The following DNAH1 variants were observed in gnomAD, a reference collection of about 807,000 sequenced individuals.
DNAH1 encodes the protein axonemal beta dynein heavy chain 1.
Under a neutral mutation model 484.3 loss-of-function variants are expected in DNAH1, and 327 were observed. The ratio of observed to expected loss-of-function variants is 0.68; its 90% CI spans 0.62 to 0.74. The LOEUF (loss-of-function observed/expected upper bound fraction) is 0.74, where lower values mean the gene tolerates loss of function less well. Ranked by LOEUF, DNAH1 falls within the 30% of genes least tolerant of loss-of-function variation. The pLI, the probability that DNAH1 is intolerant of heterozygous loss-of-function variation, is 0.00. For synonymous variants in DNAH1, 2,192 were observed against 2,191.9 expected (o/e 1.00, Z 0.00); for missense variants, 5,052 against 5,546.8 (o/e 0.91, Z 2.83).
intron 21 of DNAH1, among the ~76,000 whole-genome samples, chr3:52,356,286 G>T (rs1422482973): frequency 6.6e-6 from 1 of 152,178 alleles, no homozygotes; most frequent in Non-Finnish European, 1.5e-5. Flanking sequence ...TGTCTCCCAG[G>T]CACCGAGTGT....
rs1351515692 is a variant in DNAH1, at chr3:52,396,506, C to T, written c.11398C>T (p.Leu3800Phe). ...CAACCTGCTGAAGTCCTATAGTAGC[C>T]TTGGTGAAGACTTCCTCAACTCCTG... ...RANLLKSYSS[L>F]GEDFLNSCHK... The change falls in exon 71 of 78, where the codon CTT (leucine) becomes TTT (phenylalanine). Residue 3800 changes from leucine to phenylalanine, a missense_variant. Around this residue, in one of 4 missense-constraint regions of DNAH1, gnomAD observed 853 missense variants for 899.0 expected, o/e 0.95. Coordinates refer to ENST00000420323, the MANE Select transcript of DNAH1 (RefSeq NM_015512.5). The T allele has an allele frequency of 1.2e-6, 2 of 1,610,916 alleles. No individual in the cohort carries two copies. The highest frequency in any genetic ancestry group is 1.1e-5 in the South Asian group (1 of 90,650).
intron 8 of DNAH1, among the ~76,000 whole-genome samples, chr3:52,335,180 C>T (rs1353675611): frequency 7.4e-6 from 1 of 135,346 alleles, no homozygotes; most frequent in Non-Finnish European, 1.5e-5. Context: ...GCTTCTCTCC[C>T]GAGTAGCTGG....
intron 44 of DNAH1, among the ~76,000 whole-genome samples, chr3:52,373,409 CAAG>C (rs1018676712): frequency 1.3e-5 from 2 of 152,196 alleles, no homozygotes; most frequent in African/African-American, 4.8e-5. Context: ...CCGAATAAAA[CAAG>C]AAGGAGAAAG....
chr3:52,342,757 C>T (rs71297391), intron 8 of DNAH1, among the ~76,000 whole-genome samples: 5,300 of 152,150 alleles, frequency 0.035, 135 homozygotes, highest in Non-Finnish European at 0.047. Flanking sequence ...AGGGGGCAAG[C>T]GAGGAACAGG....
At chr3:52,322,823 C>A (rs1234460533) in intron 2 of DNAH1, 48 bp downstream of exon 2, 3 of 1,474,638 alleles carry the variant, frequency 2.0e-6, no homozygotes, top group Non-Finnish European at 2.8e-6. Context: ...TTCCTCTGGG[C>A]TCCGTTCACC....
intron 12 of DNAH1, 42 bp downstream of exon 12, chr3:52,348,016 C>G (rs1244944773): frequency 6.4e-7 from 1 of 1,566,196 alleles, no homozygotes; most frequent in Non-Finnish European, 8.7e-7. Flanking sequence ...ACCTGCTGCC[C>G]TGGCTGCTGA....
At chr3:52,374,943 G>GATTTT in intron 44 of DNAH1, 1 of 501,032 alleles carries the variant, frequency 2.0e-6, no homozygotes, top group Non-Finnish European at 3.4e-6. Flanking sequence ...GTTTTTATAA[G>GATTTT]ATAGGACTAT....
rs1328222409 is a variant in DNAH1 at position 52,383,655 on chromosome 3, G to GC, written c.8150+65dup. The GC allele has an allele frequency of 2.0e-6, 3 of 1,476,144 alleles. No individual in the cohort carries two copies. The African/African-American group carries it at 4.2e-5, about 21-fold the overall frequency. The allele number at this position is 1,476,144 out of a possible 1,614,324, so 91.4% of individuals were successfully genotyped here. Reference sequence around the variant, plus strand: ...CGGAGCTGGGTGTGTACATGGGCTGGCCCCGGGGACACTGGATGCCATGCG... The same window carrying GC: ...CGGAGCTGGGTGTGTACATGGGCTGGCCCCCGGGGACACTGGATGCCATGCG... On this transcript the variant is annotated intron_variant, in intron 51 of 77. Transcript: ENST00000420323.
Position 52,349,441 on chromosome 3 carries a change from C to A in DNAH1, c.2526+21C>A, listed in dbSNP as rs576475976. The A allele has an allele frequency of 9.4e-6, 15 of 1,604,192 alleles. No homozygotes were observed. In the East Asian group the frequency reaches 3.3e-4, roughly 36 times the overall value. On this transcript the variant is annotated intron_variant, in intron 14 of 77. Transcript: ENST00000420323. ...ATAGCGTAAGTGCCCACCTGCCCCG[C>A]CTCAGTGACCACAGCAGCACACACC...
chr3:52,328,114 G>T, intron 6 of DNAH1, 100 bp downstream of exon 6: 3 of 1,496,052 alleles, frequency 2.0e-6, no homozygotes. Context: ...CACCGGAGGC[G>T]AGGGGTCTTT....
chr3:52,331,360 G>A (rs557338880), intron 7 of DNAH1, 51 bp downstream of exon 7: 8 of 1,555,724 alleles, frequency 5.1e-6, no homozygotes, highest in African/African-American at 4.1e-5. Context: ...GGGCCTGGCC[G>A]GCCTGTGACT....
chr3:52,360,274 G>T (rs912900993), intron 27 of DNAH1, 37 bp from the exon 28 acceptor site: 3 of 1,587,318 alleles, frequency 1.9e-6, no homozygotes, highest in Non-Finnish European at 2.6e-6. Context: ...GTGGCCCATT[G>T]CCCCATGGCC....
Position 52,364,453 on chromosome 3 carries a change from C to G in DNAH1, c.5245-185C>G, listed in dbSNP as rs957762668. Among the ~76,000 whole-genome samples, 1 of 152,164 alleles carries G rather than the reference C, an allele frequency of 6.6e-6. No individual in the cohort carries two copies. Among genetic ancestry groups the G allele is most frequent in the East Asian group, 1.9e-4 (1 of 5,200 alleles). ...TCGGGACAGTAAAGTGCAGGGTGCC[C>G]GGGGAGCCCAAAGAAGGTGCACCTG... On this transcript the variant is annotated intron_variant, in intron 32 of 77. Transcript: ENST00000420323. The surrounding 1 kb of genome is among the most constrained non-coding windows in gnomAD (Gnocchi z 4.2).
At chr3:52,322,099 G>C (rs1701169180) in intron 1 of DNAH1, among the ~76,000 whole-genome samples, 1 of 152,106 alleles carries the variant, frequency 6.6e-6, no homozygotes, top group South Asian at 2.1e-4. Context: ...GGGGGAGAGG[G>C]GTGGACAAGT....
At chr3:52,345,839 A>C in intron 10 of DNAH1, 133 bp downstream of exon 10, 1 of 955,270 alleles carries the variant, frequency 1.0e-6, no homozygotes. Context: ...TGCTTTTCTC[A>C]AAACCTGGCC....
intron 65 of DNAH1, 100 bp downstream of exon 65, chr3:52,393,125 C>T (rs373396638): frequency 1.2e-5 from 17 of 1,463,868 alleles, no homozygotes; most frequent in Middle Eastern, 1.8e-4. Flanking sequence ...TGTTCACTGG[C>T]GTACACTCTC....
Position 52,360,410 on chromosome 3 carries a change from G to A in DNAH1, c.4671G>A (p.Thr1557=), listed in dbSNP as rs374299473. 7.5e-5 allele frequency: 121 copies of A among 1,613,564 alleles called. 1 individual carries two copies. The South Asian group carries it at 1.3e-3, about 17-fold the overall frequency. ...YLGNSGRLVI[T]PLTDRCYLTL... ...GCAACAGTGGGAGGCTGGTGATCACGCCCCTCACCGACAGGTAAGCGTTCC... is the reference window on the plus strand; with the variant it reads ...GCAACAGTGGGAGGCTGGTGATCACACCCCTCACCGACAGGTAAGCGTTCC... The change falls in exon 28 of 78, where the codon ACG becomes ACA. Residue 1557 remains threonine (T), a synonymous_variant. Transcript: ENST00000420323.
Position 52,384,828 on chromosome 3 carries a change from T to G in DNAH1, c.8365T>G (p.Cys2789Gly). 6.2e-7 allele frequency: 1 copy of G among 1,605,468 alleles called. No homozygotes were observed. Among genetic ancestry groups the G allele is most frequent in the East Asian group, 2.3e-5 (1 of 44,412 alleles). The part of the protein sequence containing the change: ...VYIHQSVSKK[C>G]IEYLAELTRH... ...CATCCACCAGTCGGTGTCCAAGAAGTGCATCGAGTACCTGGCAGAGCTGAC... is the reference window on the plus strand; with the variant it reads ...CATCCACCAGTCGGTGTCCAAGAAGGGCATCGAGTACCTGGCAGAGCTGAC... Residue 2789 changes from cysteine (C) to glycine (G), a missense_variant, in exon 53 of 78, where the codon TGC becomes GGC. Cys to Gly is a radical substitution (Grantham distance 159). Around this residue, in one of 4 missense-constraint regions of DNAH1, gnomAD observed 2,929 missense variants for 3,409.4 expected, o/e 0.86. Transcript: ENST00000420323.
chr3:52,346,737 T>C lies in DNAH1; in HGVS notation c.1922T>C (p.Val641Ala), dbSNP rs1382875030. ...CSVLNCTDDM[V>A]WGDDLINSPY... Reference sequence around the variant, plus strand: ...GTGCTCAACTGCACCGATGACATGGTCTGGGGTGACGACTTAATTAACAGC... The same window carrying C: ...GTGCTCAACTGCACCGATGACATGGCCTGGGGTGACGACTTAATTAACAGC... Residue 641 changes from valine (V) to alanine (A), a missense_variant, in exon 11 of 78, where the codon GTC becomes GCC. By Grantham distance (64) the Val-to-Ala change is moderately conservative. Coordinates refer to ENST00000420323, the MANE Select transcript of DNAH1 (RefSeq NM_015512.5). 2 of 1,609,316 alleles carry C rather than the reference T, an allele frequency of 1.2e-6. No individual in the cohort carries two copies. The highest frequency in any genetic ancestry group is 1.7e-5 in the Admixed American group (1 of 59,922).
Sources: gnomAD v4.1 joint callset for allele counts (sites outside exome capture counted in the v4.1 genomes callset) on GRCh38, gnomAD v4.1.1 for gene constraint, gnomAD v4.1.1 regional missense constraint, Gnocchi (gnomAD v3.1) non-coding constraint, MANE v1.5 for transcripts, NCBI Gene and HGNC (gene_info 2026-07-23, HGNC 2026-07-21) for gene names.